E2F1: variants seen among roughly 807,000 people sequenced by gnomAD.
The protein encoded by E2F1 is transcription factor E2F1.
A neutral mutation model predicts 36.9 loss-of-function variants in E2F1; 7 were observed. The observed-to-expected ratio is 0.19, with a 90% CI of 0.11 to 0.36. E2F1 has a LOEUF of 0.36. Ranked by LOEUF, E2F1 falls within the 10% of genes least tolerant of loss-of-function variation. E2F1 has a pLI of 1.00. For synonymous variants in E2F1, 261 were observed against 263.1 expected (o/e 0.99, Z 0.08); for missense variants, 406 against 573.6 (o/e 0.71, Z 2.99).
chr20:33,677,607 G>A, intron 4 of E2F1, 67 bp from the exon 5 acceptor site: 2 of 1,288,892 alleles, frequency 1.6e-6, no homozygotes, highest in South Asian at 1.3e-5. Context: ...CAGCTCACAA[G>A]GCAGGGCTCA....
At chr20:33,685,655 G>A (rs918705298) in intron 1 of E2F1, among the ~76,000 whole-genome samples, 3 of 152,224 alleles carry the variant, frequency 2.0e-5, no homozygotes, top group Non-Finnish European at 4.4e-5. Flanking sequence ...ACAGCTCACA[G>A]CGGGGTTGTG....
chr20:33,679,724 G>C lies in E2F1; in HGVS notation c.572+31C>G, dbSNP rs907212730. Reference sequence around the variant, plus strand: ...CTCCTCCAGGCTGGCATGGGCAGGTGTGCCTGCCCTCCTGTGTGGCCGGTA... The same window carrying C: ...CTCCTCCAGGCTGGCATGGGCAGGTCTGCCTGCCCTCCTGTGTGGCCGGTA... On this transcript the variant is annotated intron_variant, in intron 3 of 6. Transcript: ENST00000343380. The surrounding 1 kb of genome is among the most constrained non-coding windows in gnomAD (Gnocchi z 4.6). 7.6e-6 allele frequency: 12 copies of C among 1,588,976 alleles called. No homozygotes were observed. Among genetic ancestry groups the C allele is most frequent in the Non-Finnish European group, 1.0e-5 (12 of 1,158,698 alleles).
Position 33,686,108 on chromosome 20 carries a change from C to T in E2F1, c.157G>A (p.Ala53Thr), listed in dbSNP as rs1218731737. Residue 53 changes from alanine (A) to threonine (T), a missense_variant, in exon 1 of 7, where the codon GCG (alanine) becomes ACG (threonine). Transcript: ENST00000343380. ...GGGTCGCAGGGGCCGGCGGCGGGCG[C>T]CGCGGGGCCGGTGGGAGCCGGCGGG... ...SAPPAPTGPA[A>T]PAAGPCDPDL... 1.9e-6 allele frequency: 2 copies of T among 1,075,422 alleles called. No individual in the cohort carries two copies. The highest frequency in any genetic ancestry group is 2.2e-6 in the Non-Finnish European group (2 of 890,356). 66.6% of individuals were successfully genotyped at this position (1,075,422 alleles called of 1,614,324 possible).
chr20:33,682,404 T>C (rs2018026405), intron 1 of E2F1, among the ~76,000 whole-genome samples: 1 of 152,152 alleles, frequency 6.6e-6, no homozygotes, highest in Non-Finnish European at 1.5e-5. Context: ...GGCCACACAG[T>C]GAGAGGTGGA....
chr20:33,680,065 G>T (rs963211434), intron 2 of E2F1, 91 bp from the exon 3 acceptor site: 1 of 1,154,380 alleles, frequency 8.7e-7, no homozygotes, highest in Non-Finnish European at 1.3e-6. Context: ...AGGGCAGCAG[G>T]ATGATGGGGG....
chr20:33,680,550 T>A, intron 1 of E2F1, 134 bp from the exon 2 acceptor site: 1 of 687,158 alleles, frequency 1.5e-6, no homozygotes, highest in East Asian at 2.7e-5. Context: ...CTGAGGGAGA[T>A]CAGAGGGGAC....
rs2122554568 is a variant in E2F1, at chr20:33,685,989, C to T, written c.261+15G>A. The stretch of plus-strand genomic sequence containing the variant: ...ACAGGCGGCGCTGTCGGCGCGGCGT[C>T]CCTGGGGTCCGTACCGGCGGGCGGC... On this transcript the variant is annotated intron_variant, in intron 1 of 6. Transcript: ENST00000343380. 2.7e-6 allele frequency: 3 copies of T among 1,129,952 alleles called. No homozygotes were observed. Among genetic ancestry groups the T allele is most frequent in the Non-Finnish European group, 2.2e-6 (2 of 923,486 alleles). 70.0% of individuals were successfully genotyped at this position (1,129,952 alleles called of 1,614,324 possible).
rs556494136 is a variant in E2F1 at position 33,680,892 on chromosome 20, A to G, written c.262-476T>C. Among the ~76,000 whole-genome samples the G allele has an allele frequency of 3.3e-5, 5 of 152,296 alleles. No individual in the cohort carries two copies. In the East Asian group the frequency reaches 9.6e-4, roughly 29 times the overall value. On this transcript the variant is annotated intron_variant, in intron 1 of 6. Transcript: ENST00000343380. ...GGCAAGAAACCATGGCCTCCTCCCA[A>G]CAGCAACACTTAGTCACAACTTCTG... is the stretch of plus-strand genomic sequence containing the variant.
In E2F1 at chr20:33,686,210, G is replaced by C; in HGVS notation, c.55C>G (p.Leu19Val). The C allele has an allele frequency of 9.6e-7, 1 of 1,036,570 alleles. No homozygotes were observed. The highest frequency in any genetic ancestry group is 1.2e-6 in the Non-Finnish European group (1 of 864,758). 64.2% of individuals were successfully genotyped at this position (1,036,570 alleles called of 1,614,324 possible). ...GGPCAPALEA[L>V]LGAGALRLLD... The stretch of plus-strand genomic sequence containing the variant: ...AGCCGCAGCGCGCCGGCCCCGAGCA[G>C]GGCCTCCAGCGCCGGCGCGCATGGG... Residue 19 changes from leucine to valine, a missense_variant, in exon 1 of 7, where the codon CTG (leucine) becomes GTG (valine). This residue lies in a region of E2F1 where 68 missense variants were observed against 74.3 expected (regional missense o/e 0.92). Coordinates refer to ENST00000343380, the MANE Select transcript of E2F1 (RefSeq NM_005225.3).
At chr20:33,685,792 GCA>G (rs1178144318) in intron 1 of E2F1, among the ~76,000 whole-genome samples, 1 of 152,188 alleles carries the variant, frequency 6.6e-6, no homozygotes, top group East Asian at 1.9e-4. Flanking sequence ...GAGGCGCAGA[GCA>G]CAGAGCAGCA....
chr20:33,685,320 C>T (rs1443441674), intron 1 of E2F1, among the ~76,000 whole-genome samples: 2 of 152,074 alleles, frequency 1.3e-5, no homozygotes, highest in Non-Finnish European at 2.9e-5. Context: ...GGTCCAGCTG[C>T]CCCGCCCCTG....
intron 1 of E2F1, among the ~76,000 whole-genome samples, chr20:33,685,713 G>C (rs2018061206): frequency 6.6e-6 from 1 of 152,230 alleles, no homozygotes; most frequent in Non-Finnish European, 1.5e-5. Context: ...TGCAGTAAAC[G>C]CCAGTTGAAT....
chr20:33,679,614 T>A lies in E2F1; in HGVS notation c.572+141A>T, dbSNP rs2018000203. On this transcript the variant is annotated intron_variant, in intron 3 of 6. Coordinates refer to ENST00000343380, the MANE Select transcript of E2F1 (RefSeq NM_005225.3). The surrounding 1 kb of genome is among the most constrained non-coding windows in gnomAD (Gnocchi z 4.6). ...TGTGTGCTTTTTACCATCTATCATC[T>A]CAGGGAAGCTACCTCTCCTCTCTGA... The A allele has an allele frequency of 1.4e-6, 1 of 726,858 alleles. No homozygotes were observed. Among genetic ancestry groups the A allele is most frequent in the South Asian group, 1.6e-5 (1 of 61,298 alleles). The allele number at this position is 726,858 out of a possible 1,614,324, so 45.0% of individuals were successfully genotyped here.
Position 33,686,123 on chromosome 20 carries a change from G to T in E2F1, c.142C>A (p.Pro48Thr). 9.4e-7 allele frequency: 1 copy of T among 1,065,192 alleles called. No individual in the cohort carries two copies. The highest frequency in any genetic ancestry group is 4.3e-5 in the South Asian group (1 of 23,358). 66.0% of individuals were successfully genotyped at this position (1,065,192 alleles called of 1,614,324 possible). A position where few individuals can be genotyped will look rare whatever the true frequency, so the allele number is the denominator to read the frequency against. Residue 48 changes from proline to threonine, a missense_variant, in exon 1 of 7, where the codon CCC (proline) becomes ACC (threonine). Around this residue, in one of 5 missense-constraint regions of E2F1, gnomAD observed 68 missense variants for 74.3 expected, o/e 0.92. Transcript: ENST00000343380. ...GCGGCGGGCGCCGCGGGGCCGGTGG[G>T]AGCCGGCGGGGCGCTGGCGTCCTGC... ...AAQDASAPPA[P>T]TGPAAPAAGP...
chr20:33,680,041 C>T lies in E2F1; in HGVS notation c.353-67G>A. The T allele has an allele frequency of 2.2e-6, 3 of 1,366,052 alleles. No homozygotes were observed. In the South Asian group the frequency reaches 3.7e-5, roughly 17 times the overall value. The allele number at this position is 1,366,052 out of a possible 1,614,324, so 84.6% of individuals were successfully genotyped here. A position where few individuals can be genotyped will look rare whatever the true frequency, so the allele number is the denominator to read the frequency against. ...CACCCCCACCTCCAGCCAGGCCTGC[C>T]ACTCTGGCAGTGCAGGGCAGCAGGA... On this transcript the variant is annotated intron_variant, in intron 2 of 6. Transcript: ENST00000343380.
chr20:33,686,385 C>G lies in E2F1; in HGVS notation c.-121G>C, dbSNP rs535195055. ...CCGGCCGCCGCTGCCTGCAAAGTCCCGGCCACTTTTACGCGCCAAATCCTT... is the reference window on the plus strand; with the variant it reads ...CCGGCCGCCGCTGCCTGCAAAGTCCGGGCCACTTTTACGCGCCAAATCCTT... On this transcript the variant is annotated 5_prime_UTR_variant, in exon 1 of 7. Coordinates refer to ENST00000343380, the MANE Select transcript of E2F1 (RefSeq NM_005225.3). 6.7e-5 allele frequency: 59 copies of G among 883,282 alleles called. No individual in the cohort carries two copies. Among genetic ancestry groups the G allele is most frequent in the Non-Finnish European group, 7.6e-5 (56 of 735,974 alleles). The allele number at this position is 883,282 out of a possible 1,614,324, so 54.7% of individuals were successfully genotyped here. A position where few individuals can be genotyped will look rare whatever the true frequency, so the allele number is the denominator to read the frequency against.
intron 1 of E2F1, among the ~76,000 whole-genome samples, chr20:33,684,114 A>T (rs1426090011): frequency 6.6e-6 from 1 of 152,186 alleles, no homozygotes; most frequent in African/African-American, 2.4e-5. Context: ...CACTAACTCA[A>T]CAACTGTTGA....
chr20:33,676,556 C>T lies in E2F1; in HGVS notation c.*176G>A, dbSNP rs991354784. On this transcript the variant is annotated 3_prime_UTR_variant, in exon 7 of 7. Transcript: ENST00000343380. ...CCACACAGACTCCTTCCCTTCCTGG[C>T]TTGCTCAGCCTCCTAGCGGTAGCCA... The T allele has an allele frequency of 1.1e-6, 1 of 920,418 alleles. No homozygotes were observed. Among genetic ancestry groups the T allele is most frequent in the African/African-American group, 1.7e-5 (1 of 59,666 alleles). 57.0% of individuals were successfully genotyped at this position (920,418 alleles called of 1,614,324 possible). A position where few individuals can be genotyped will look rare whatever the true frequency, so the allele number is the denominator to read the frequency against.
At position 33,676,103 on chromosome 20, in the gene E2F1, A is replaced by G. The variant is rs2017949076; in HGVS notation, c.*629T>C. 1.3e-5 allele frequency: 2 copies of G among 152,710 alleles called. No homozygotes were observed. Among genetic ancestry groups the G allele is most frequent in the Admixed American group, 1.3e-4 (2 of 15,290 alleles). The allele number at this position is 152,710 out of a possible 1,614,324, so 9.5% of individuals were successfully genotyped here. On this transcript the variant is annotated 3_prime_UTR_variant, in exon 7 of 7. Coordinates refer to ENST00000343380, the MANE Select transcript of E2F1 (RefSeq NM_005225.3). ...GCTCAAGGGTAGAGGGAGTTGGGGT[A>G]TCAACCCCACACCCCTCCTCCCCTT...
Sources: allele counts gnomAD v4.1 joint callset (sites outside exome capture counted in the v4.1 genomes callset), GRCh38; gene constraint gnomAD v4.1.1; regional missense constraint gnomAD v4.1.1; non-coding constraint Gnocchi (gnomAD v3.1); transcripts MANE v1.5; gene names NCBI Gene and HGNC (gene_info 2026-07-23, HGNC 2026-07-21).